The following FAM227A variants were observed in gnomAD, a reference collection of about 807,000 sequenced individuals.
FAM227A encodes family with sequence similarity 227 member A, also known as protein FAM227A.
FAM227A carries 80 observed loss-of-function variants against 74.7 expected under a neutral mutation model. The observed-to-expected ratio is 1.07, with a 90% CI of 0.89 to 1.29. The LOEUF (loss-of-function observed/expected upper bound fraction) is 1.29, where lower values mean the gene tolerates loss of function less well. FAM227A is among the 50% of genes most tolerant of loss of function. The probability of loss-of-function intolerance (pLI) is 0.00; values close to 1 mark genes in which losing one functional copy is unlikely to be tolerated. For missense variants in FAM227A, 654 were observed against 683.4 expected (o/e 0.96, Z 0.48); for synonymous variants, 237 against 241.8 (o/e 0.98, Z 0.19).
chr22:38,631,407 C>T (rs887729672), intron 6 of FAM227A, among the ~76,000 whole-genome samples: 56 of 151,766 alleles, frequency 3.7e-4, no homozygotes, highest in African/African-American at 1.2e-3. Context: ...ATGATGAGGA[C>T]GAGGGTTGAA....
At chr22:38,634,680 G>T (rs1428550439) in intron 6 of FAM227A, among the ~76,000 whole-genome samples, 2 of 152,172 alleles carry the variant, frequency 1.3e-5, no homozygotes, top group African/African-American at 4.8e-5. Context: ...GTCCTGTAGG[G>T]AACGTGATGC....
chr22:38,651,642 G>A (rs989806889), intron 1 of FAM227A, among the ~76,000 whole-genome samples: 2 of 151,978 alleles, frequency 1.3e-5, no homozygotes, highest in Admixed American at 6.6e-5. Flanking sequence ...GATTACAGGC[G>A]TGAACCACCA....
At chr22:38,616,221 G>C (rs1049087210) in intron 11 of FAM227A, among the ~76,000 whole-genome samples, 7 of 152,214 alleles carry the variant, frequency 4.6e-5, no homozygotes, top group African/African-American at 1.7e-4. Context: ...AAGAAGATGG[G>C]AGTGGCCAAC....
Position 38,638,738 on chromosome 22 carries a change from T to TC in FAM227A, c.372+7dup. 1 of 1,542,292 alleles carries TC rather than the reference T, an allele frequency of 6.5e-7. No homozygotes were observed. The highest frequency in any genetic ancestry group is 8.8e-7 in the Non-Finnish European group (1 of 1,138,818). ...GGTCAGAAACAGACACAGCAGTAGA[T>TC]CCCTTACCCTTTTTATAACAGAAGA... On this transcript the variant is annotated splice_region_variant and intron_variant, in intron 5 of 16. Transcript: ENST00000535113.
chr22:38,654,775 C>CAAAAAAAAAAAAAAA (rs34383650), intron 1 of FAM227A, among the ~76,000 whole-genome samples: 1 of 84,950 alleles, frequency 1.2e-5, no homozygotes. Context: ...CTAAAAATAC[C>CAAAAAAAAAAAAAAA]AAAAAAAAAA....
At chr22:38,620,074 C>T in intron 11 of FAM227A, 138 bp downstream of exon 11, 1 of 629,472 alleles carries the variant, frequency 1.6e-6, no homozygotes. Context: ...GGGCTCCTCA[C>T]TTAGAAGATG....
chr22:38,637,687 G>A (rs1421609320), intron 5 of FAM227A, among the ~76,000 whole-genome samples: 1 of 152,226 alleles, frequency 6.6e-6, no homozygotes, highest in East Asian at 1.9e-4. Context: ...ACCTTTGCAG[G>A]ACACTTAGCT....
intron 11 of FAM227A, among the ~76,000 whole-genome samples, chr22:38,615,766 T>C (rs1314504794): frequency 5.9e-5 from 9 of 152,144 alleles, no homozygotes; most frequent in East Asian, 1.9e-4. Context: ...CCCCATCTGA[T>C]GTATATCTGT....
rs563914233 is a variant in FAM227A, at chr22:38,579,425, T to C, written c.*6700A>G. On this transcript the variant is annotated 3_prime_UTR_variant, in exon 17 of 17. Transcript: ENST00000535113. ...AACAGAAGTCCCAAGCCAGGAGTAATGGTGCTTTAAACAAGAAGAGCCTCA... is the reference window on the plus strand; with the variant it reads ...AACAGAAGTCCCAAGCCAGGAGTAACGGTGCTTTAAACAAGAAGAGCCTCA... The C allele has an allele frequency of 9.9e-5, 15 of 152,238 alleles. No individual in the cohort carries two copies. In the East Asian group the frequency reaches 2.1e-3, roughly 22 times the overall value. 9.4% of individuals were successfully genotyped at this position (152,238 alleles called of 1,614,324 possible).
chr22:38,623,366 G>C, intron 9 of FAM227A, 87 bp from the exon 10 acceptor site: 2 of 832,068 alleles, frequency 2.4e-6, no homozygotes, highest in Non-Finnish European at 3.9e-6. Context: ...AAGGTGGGAG[G>C]ATTGCTTGAG....
At chr22:38,638,700 C>T (rs2092052498) in intron 5 of FAM227A, 46 bp downstream of exon 5, 5 of 1,352,416 alleles carry the variant, frequency 3.7e-6, no homozygotes, top group Non-Finnish European at 5.2e-6. Flanking sequence ...TTATTTCATG[C>T]CTAGCAGAAG....
At chr22:38,629,086 T>C in intron 6 of FAM227A, 151 bp from the exon 7 acceptor site, 3 of 575,246 alleles carry the variant, frequency 5.2e-6, no homozygotes, top group East Asian at 3.0e-5. Context: ...TTAACCCCTA[T>C]AATAGTCTTA....
intron 11 of FAM227A, among the ~76,000 whole-genome samples, chr22:38,608,793 C>CTT (rs35393303): frequency 3.3e-4 from 32 of 97,038 alleles, no homozygotes; most frequent in Non-Finnish European, 5.0e-4. Flanking sequence ...ACCCTTGTTC[C>CTT]TTTTTTTTTT....
chr22:38,636,432 G>C lies in FAM227A; in HGVS notation c.519+19C>G. 1.3e-6 allele frequency: 2 copies of C among 1,549,614 alleles called. No homozygotes were observed. Among genetic ancestry groups the C allele is most frequent in the South Asian group, 1.2e-5 (1 of 83,826 alleles). ...CCCATGGGTTGGCAAACTCAGGGCA[G>C]GCACTGCTTTTTCCTCACCTTGCCA... On this transcript the variant is annotated intron_variant, in intron 6 of 16. Transcript: ENST00000535113.
chr22:38,611,403 A>G (rs887544694), intron 11 of FAM227A, among the ~76,000 whole-genome samples: 5 of 152,162 alleles, frequency 3.3e-5, no homozygotes, highest in Non-Finnish European at 7.3e-5. Flanking sequence ...TATGGGCAAG[A>G]GCTGCAAAAA....
chr22:38,617,406 T>C (rs1262273624), intron 11 of FAM227A, among the ~76,000 whole-genome samples: 3 of 151,482 alleles, frequency 2.0e-5, no homozygotes, highest in Non-Finnish European at 4.4e-5. Context: ...AGCAAATCTC[T>C]TGCCTCAGTC....
chr22:38,625,321 T>G (rs4821799), intron 9 of FAM227A, among the ~76,000 whole-genome samples: 66,668 of 149,874 alleles, frequency 0.44, 15,528 homozygotes, highest in African/African-American at 0.6. Context: ...CCCGGAAGGC[T>G]GAGGTTGCAG....
At chr22:38,646,443 T>C (rs1443766226) in intron 2 of FAM227A, among the ~76,000 whole-genome samples, 2 of 150,346 alleles carry the variant, frequency 1.3e-5, no homozygotes, top group African/African-American at 4.9e-5. Context: ...TTTGTATTTT[T>C]AGTAGAGACG....
intron 10 of FAM227A, among the ~76,000 whole-genome samples, chr22:38,620,496 CA>C (rs1230295930): frequency 1.3e-5 from 2 of 152,216 alleles, no homozygotes; most frequent in East Asian, 3.9e-4. Context: ...GTGAATGCAC[CA>C]ATTAAAGGAA....
Sources: gnomAD v4.1 joint callset for allele counts (sites outside exome capture counted in the v4.1 genomes callset) on GRCh38, gnomAD v4.1.1 for gene constraint, MANE v1.5 for transcripts, NCBI Gene and HGNC (gene_info 2026-07-23, HGNC 2026-07-21) for gene names.